The following ADCY5 variants were observed in gnomAD, a reference collection of about 807,000 sequenced individuals.
The protein encoded by ADCY5 is adenylate cyclase 5.
ADCY5 carries 30 observed loss-of-function variants against 119.7 expected under a neutral mutation model. That is an observed-to-expected ratio of 0.25 (90% CI 0.19 to 0.34). ADCY5 has a LOEUF of 0.34. Ranked by LOEUF, ADCY5 falls within the 10% of genes least tolerant of loss-of-function variation. ADCY5 has a pLI of 1.00. For missense variants in ADCY5, 1,324 were observed against 1,775.2 expected (o/e 0.75, Z 4.57); for synonymous variants, 753 against 762.2 (o/e 0.99, Z 0.20).
chr3:123,331,080 C>G, intron 4 of ADCY5, 64 bp from the exon 5 acceptor site: 1 of 1,547,012 alleles, frequency 6.5e-7, no homozygotes, highest in Non-Finnish European at 8.8e-7. Context: ...GGGAAAGAAA[C>G]GAGAAGCAAA....
At chr3:123,287,402 G>A (rs1304198454) in intron 19 of ADCY5, among the ~76,000 whole-genome samples, 4 of 152,166 alleles carry the variant, frequency 2.6e-5, no homozygotes, top group Non-Finnish European at 4.4e-5. Flanking sequence ...CTCCTGAAGC[G>A]TTCTCTCTCC....
At chr3:123,381,993 G>A (rs572275818) in intron 1 of ADCY5, among the ~76,000 whole-genome samples, 2 of 152,252 alleles carry the variant, frequency 1.3e-5, no homozygotes, top group East Asian at 1.9e-4. Context: ...GGCCCTTCGC[G>A]GTCTACCTCC....
At chr3:123,382,645 A>T (rs1944069083) in intron 1 of ADCY5, among the ~76,000 whole-genome samples, 1 of 152,262 alleles carries the variant, frequency 6.6e-6, no homozygotes, top group African/African-American at 2.4e-5. Flanking sequence ...CAAAAACATT[A>T]TGCTAAGTGA....
At chr3:123,340,662 G>A (rs537694419) in intron 3 of ADCY5, among the ~76,000 whole-genome samples, 127 of 152,240 alleles carry the variant, frequency 8.3e-4, no homozygotes, top group Non-Finnish European at 1.5e-3. Flanking sequence ...TCTTTTGTTG[G>A]AACACAATCC....
rs1468515357 is a variant in ADCY5 at position 123,352,648 on chromosome 3, C to T, written c.1135-67G>A. 4 of 1,523,054 alleles carry T rather than the reference C, an allele frequency of 2.6e-6. No homozygotes were observed. The highest frequency in any genetic ancestry group is 2.5e-5 in the South Asian group (2 of 79,572). 94.3% of individuals were successfully genotyped at this position (1,523,054 alleles called of 1,614,324 possible). On this transcript the variant is annotated intron_variant, in intron 1 of 20. Coordinates refer to ENST00000462833, the MANE Select transcript of ADCY5 (RefSeq NM_183357.3). This position sits in a 1 kb window ranked among gnomAD's most constrained non-coding sequence, Gnocchi z 4.8. The stretch of plus-strand genomic sequence containing the variant: ...CTTCCTGGCCCCAAAGCATGAAGCC[C>T]TCAGCCCCTGTCTCAGCAAACTCAC...
At chr3:123,447,391 G>A (rs754260038) in intron 1 of ADCY5, 21 bp downstream of exon 1, 9 of 1,520,786 alleles carry the variant, frequency 5.9e-6, no homozygotes, top group South Asian at 3.9e-5. Flanking sequence ...ATCCAGTCCC[G>A]GTGGCCAGGT....
intron 1 of ADCY5, among the ~76,000 whole-genome samples, chr3:123,385,617 G>T (rs1306784804): frequency 3.9e-5 from 6 of 152,038 alleles, no homozygotes. Flanking sequence ...ACTCCTGCAT[G>T]GGGACCCATC....
Position 123,290,566 on chromosome 3 carries a change from C to T in ADCY5, c.3327+547G>A, listed in dbSNP as rs148852128. Among the ~76,000 whole-genome samples the T allele has an allele frequency of 1.4e-4, 22 of 152,372 alleles. No individual in the cohort carries two copies. The East Asian group carries it at 1.5e-3, about 11-fold the overall frequency. On this transcript the variant is annotated intron_variant, in intron 18 of 20. Coordinates refer to ENST00000462833, the MANE Select transcript of ADCY5 (RefSeq NM_183357.3). ...GCTCTGCATCCCCAGTGCCTCCACA[C>T]GCCAGGTGCTCAACCAGAGTATGAG...
intron 1 of ADCY5, among the ~76,000 whole-genome samples, chr3:123,374,759 G>A (rs1037705845): frequency 1.1e-4 from 16 of 152,096 alleles, no homozygotes; most frequent in African/African-American, 2.4e-4. Context: ...CTCAAGAGAC[G>A]GGGCTGGGGC....
Position 123,403,347 on chromosome 3 carries a change from T to C in ADCY5, c.1134+44065A>G, listed in dbSNP as rs538457433. ...AGCCATGATTGCACCAACCACTACATGCCAGCCTAGGCAACAGAGCGAGAC... is the reference window on the plus strand; with the variant it reads ...AGCCATGATTGCACCAACCACTACACGCCAGCCTAGGCAACAGAGCGAGAC... On this transcript the variant is annotated intron_variant, in intron 1 of 20. Transcript: ENST00000462833. Among the ~76,000 whole-genome samples the C allele has an allele frequency of 2.2e-5, 3 of 135,830 alleles. No individual in the cohort carries two copies. The South Asian group carries it at 6.8e-4, about 31-fold the overall frequency. The allele number at this position is 135,830 out of a possible 152,430, so 89.1% of individuals were successfully genotyped here. A position where few individuals can be genotyped will look rare whatever the true frequency, so the allele number is the denominator to read the frequency against.
intron 1 of ADCY5, among the ~76,000 whole-genome samples, chr3:123,411,838 G>A (rs1402315738): frequency 7.2e-5 from 11 of 152,228 alleles, no homozygotes; most frequent in East Asian, 3.9e-4. Context: ...GCTGTCCACC[G>A]TTGACAGCAC....
At chr3:123,302,052 G>T (rs1939883511) in intron 14 of ADCY5, among the ~76,000 whole-genome samples, 1 of 152,252 alleles carries the variant, frequency 6.6e-6, no homozygotes, top group African/African-American at 2.4e-5. Flanking sequence ...CACACTGACA[G>T]CCCACAGCAC....
chr3:123,414,454 T>C (rs993213453), intron 1 of ADCY5, among the ~76,000 whole-genome samples: 2 of 152,202 alleles, frequency 1.3e-5, no homozygotes, highest in Admixed American at 1.3e-4. Flanking sequence ...CAGCCGGTGA[T>C]TTCCTGTGTC....
chr3:123,343,390 G>A (rs1437877108), intron 3 of ADCY5, among the ~76,000 whole-genome samples: 3 of 152,206 alleles, frequency 2.0e-5, no homozygotes, highest in Non-Finnish European at 4.4e-5. Context: ...CATGTTACAG[G>A]TGAGGAAACT....
At chr3:123,294,054 A>G (rs530611875) in intron 17 of ADCY5, among the ~76,000 whole-genome samples, 2 of 152,360 alleles carry the variant, frequency 1.3e-5, no homozygotes, top group African/African-American at 2.4e-5. Flanking sequence ...CATGGGCCAA[A>G]CCTAGGACAA....
At chr3:123,305,520 G>A (rs921758717) in intron 12 of ADCY5, among the ~76,000 whole-genome samples, 1 of 152,178 alleles carries the variant, frequency 6.6e-6, no homozygotes, top group African/African-American at 2.4e-5. Context: ...ATCCATGAGG[G>A]CCCATCACAT....
intron 1 of ADCY5, among the ~76,000 whole-genome samples, chr3:123,442,540 T>A (rs1199763085): frequency 6.6e-6 from 1 of 152,230 alleles, no homozygotes; most frequent in Non-Finnish European, 1.5e-5. Flanking sequence ...TTGATGGGGT[T>A]TAACGCATCA....
rs868087877 is a variant in ADCY5 at position 123,423,781 on chromosome 3, T to C, written c.1134+23631A>G. 2.0e-5 allele frequency among the ~76,000 whole-genome samples: 3 copies of C among 152,152 alleles called. 1 individual carries two copies. In the South Asian group the frequency reaches 6.2e-4, roughly 32 times the overall value. On this transcript the variant is annotated intron_variant, in intron 1 of 20. Transcript: ENST00000462833. The stretch of plus-strand genomic sequence containing the variant: ...TGAGGCCAAGAAGGGTTCTCGGGTA[T>C]GAGGAAAGAAGGGCAGGGGAGGGTG...
At chr3:123,332,955 C>T (rs568641863) in intron 3 of ADCY5, among the ~76,000 whole-genome samples, 100 of 150,736 alleles carry the variant, frequency 6.6e-4, no homozygotes, top group African/African-American at 2.3e-3. Context: ...GACAGGGTCT[C>T]GCTATGTTGT....
Sources: allele counts gnomAD v4.1 joint callset (sites outside exome capture counted in the v4.1 genomes callset), GRCh38; gene constraint gnomAD v4.1.1; non-coding constraint Gnocchi (gnomAD v3.1); transcripts MANE v1.5; gene names NCBI Gene and HGNC (gene_info 2026-07-23, HGNC 2026-07-21).